The following UNG variants were observed in gnomAD, a reference collection of about 807,000 sequenced individuals.
UNG encodes the protein uracil-DNA glycosylase.
Under a neutral mutation model 36.5 loss-of-function variants are expected in UNG, and 34 were observed. That is an observed-to-expected ratio of 0.93 (90% confidence interval 0.71 to 1.24). The LOEUF (loss-of-function observed/expected upper bound fraction) is 1.24, where lower values mean the gene tolerates loss of function less well. Among genes scored for constraint, UNG ranks in the 50% most tolerant of loss-of-function variants. The pLI, the probability that UNG is intolerant of heterozygous loss-of-function variation, is 0.00. For synonymous variants in UNG, 172 were observed against 157.8 expected, an observed-to-expected ratio of 1.09 and a Z score of -0.67; for missense variants, 391 against 397.6, an observed-to-expected ratio of 0.98 and a Z score of 0.14.
In UNG at chr12:109,110,648, G is replaced by A. The variant is rs960946074; in HGVS notation, c.*679G>A. On this transcript the variant is annotated 3_prime_UTR_variant, in exon 7 of 7. Coordinates refer to ENST00000242576, the MANE Select transcript of UNG (RefSeq NM_080911.3). ...GAATAAGCAGTGGAATTTGAACAAG[G>A]AAGAGGAGAAAAGGGAATTTTGTCT... 1 of 150,690 alleles carries A rather than the reference G, an allele frequency of 6.6e-6. No individual in the cohort carries two copies. The highest frequency in any genetic ancestry group is 2.5e-5 in the African/African-American group (1 of 39,448). The allele number at this position is 150,690 out of a possible 1,614,324, so 9.3% of individuals were successfully genotyped here.
chr12:109,100,365 T>TC (rs534934926), intron 3 of UNG, among the ~76,000 whole-genome samples: 111 of 152,254 alleles, frequency 7.3e-4, no homozygotes, highest in African/African-American at 2.6e-3. Flanking sequence ...CCCGTTTTCC[T>TC]CCCCCGTTTT....
Position 109,102,879 on chromosome 12 carries a change from G to A in UNG, c.574G>A (p.Asp192Asn), listed in dbSNP as rs1765873568. Reference sequence around the variant, plus strand: ...TAAAGAGTTGTCTACAGACATAGAGGATTTTGTTCATCCTGGCCATGGAGA... The same window carrying A: ...TAAAGAGTTGTCTACAGACATAGAGAATTTTGTTCATCCTGGCCATGGAGA... The part of the protein sequence containing the change: ...IYKELSTDIE[D>N]FVHPGHGDLS... The change falls in exon 5 of 7, where the codon GAT becomes AAT. Residue 192 changes from aspartate (D) to asparagine (N), a missense_variant. Asp to Asn is a conservative substitution (Grantham distance 23). Coordinates refer to ENST00000242576, the MANE Select transcript of UNG (RefSeq NM_080911.3). 1 of 1,612,422 alleles carries A rather than the reference G, an allele frequency of 6.2e-7. No individual in the cohort carries two copies. Among genetic ancestry groups the A allele is most frequent in the African/African-American group, 1.3e-5 (1 of 74,766 alleles).
At position 109,110,142 on chromosome 12, in the gene UNG, A is replaced by G; in HGVS notation, c.*173A>G. ...GAATGGCAGCTGTATCCAACCACAAACAACAAAGGCTACCCTTTGACCAAA... is the reference window on the plus strand; with the variant it reads ...GAATGGCAGCTGTATCCAACCACAAGCAACAAAGGCTACCCTTTGACCAAA... On this transcript the variant is annotated 3_prime_UTR_variant, in exon 7 of 7. Transcript: ENST00000242576. 1.3e-6 allele frequency: 1 copy of G among 798,818 alleles called. No homozygotes were observed. Among genetic ancestry groups the G allele is most frequent in the Non-Finnish European group, 2.0e-6 (1 of 499,874 alleles). The allele number at this position is 798,818 out of a possible 1,614,324, so 49.5% of individuals were successfully genotyped here.
At chr12:109,108,034 G>A (rs1170093533) in intron 6 of UNG, among the ~76,000 whole-genome samples, 1 of 152,054 alleles carries the variant, frequency 6.6e-6, no homozygotes, top group African/African-American at 2.4e-5. Flanking sequence ...TTTGCATTTT[G>A]TTCACTTGGT....
At chr12:109,098,001 G>A (rs2135881386) in intron 1 of UNG, 190 bp downstream of exon 1, 2 of 1,268,522 alleles carry the variant, frequency 1.6e-6, no homozygotes, top group East Asian at 5.4e-5. Flanking sequence ...GCCAGCCAAT[G>A]GGAACGCGTC....
rs748872362 is a variant in UNG at position 109,097,718 on chromosome 12, C to T, written c.39C>T (p.Pro13=). The T allele has an allele frequency of 2.5e-6, 4 of 1,593,700 alleles. No homozygotes were observed. Among genetic ancestry groups the T allele is most frequent in the Admixed American group, 1.7e-5 (1 of 57,820 alleles). ...AGACGCTCTACTCCTTTTTCTCCCCCAGCCCCGCCAGGAAGCGACACGCCC... is the reference window on the plus strand; with the variant it reads ...AGACGCTCTACTCCTTTTTCTCCCCTAGCCCCGCCAGGAAGCGACACGCCC... ...GQKTLYSFFS[P]SPARKRHAPS... Residue 13 remains proline (P), a synonymous_variant, in exon 1 of 7, where the codon CCC becomes CCT. Transcript: ENST00000242576.
chr12:109,103,639 CTTTT>C (rs747503756), intron 6 of UNG, 28 bp downstream of exon 6: 43 of 1,382,898 alleles, frequency 3.1e-5, no homozygotes, highest in Non-Finnish European at 4.1e-5. Context: ...TCTTTTTTTT[CTTTT>C]TTTTTTAACA....
At chr12:109,103,265 T>C (rs1173260160) in intron 5 of UNG, among the ~76,000 whole-genome samples, 168 bp from the exon 6 acceptor site, 14 of 152,136 alleles carry the variant, frequency 9.2e-5, no homozygotes, top group Admixed American at 7.2e-4. Flanking sequence ...CCCGACTCCA[T>C]TGTTGATGGT....
Position 109,105,768 on chromosome 12 carries a change from CT to C in UNG, c.801+2160del, listed in dbSNP as rs369811205. Reference sequence around the variant, plus strand: ...TCAGTCAGTCATTCATATCTGTGTTCTTTCTTCCCCCTCCAAATCTACCCCT... The same window carrying C: ...TCAGTCAGTCATTCATATCTGTGTTCTTCTTCCCCCTCCAAATCTACCCCT... On this transcript the variant is annotated intron_variant, in intron 6 of 6. Coordinates refer to ENST00000242576, the MANE Select transcript of UNG (RefSeq NM_080911.3). Among the ~76,000 whole-genome samples the C allele has an allele frequency of 2.8e-3, 433 of 152,274 alleles. 3 individuals carry two copies. Among genetic ancestry groups the C allele is most frequent in the African/African-American group, 0.01 (424 of 41,554 alleles).
Position 109,105,568 on chromosome 12 carries a change from A to G in UNG, c.801+1957A>G, listed in dbSNP as rs3219253. Among the ~76,000 whole-genome samples, 979 of 152,322 alleles carry G rather than the reference A, an allele frequency of 6.4e-3. 3 individuals are homozygous for G. Among genetic ancestry groups the G allele is most frequent in the Middle Eastern group, 0.014 (4 of 294 alleles). On this transcript the variant is annotated intron_variant, in intron 6 of 6. Coordinates refer to ENST00000242576, the MANE Select transcript of UNG (RefSeq NM_080911.3). ...CTGCCCCATGAACATGCCAAATTCA[A>G]CATTTTCCAAACGAAGTTTCTCCTT... is the stretch of plus-strand genomic sequence containing the variant.
At chr12:109,101,824 G>A in intron 3 of UNG, 78 bp from the exon 4 acceptor site, 3 of 1,252,082 alleles carry the variant, frequency 2.4e-6, no homozygotes, top group Non-Finnish European at 3.5e-6. Context: ...TATTTGTTTT[G>A]TTTATGTTTG....
chr12:109,098,870 CAT>C (rs2042155599), intron 2 of UNG, among the ~76,000 whole-genome samples: 3 of 152,262 alleles, frequency 2.0e-5, no homozygotes, highest in African/African-American at 7.2e-5. Flanking sequence ...ATTTAAGTCA[CAT>C]AGTCTATTGT....
chr12:109,103,840 C>G (rs2042197441), intron 6 of UNG, among the ~76,000 whole-genome samples: 1 of 152,096 alleles, frequency 6.6e-6, no homozygotes, highest in East Asian at 1.9e-4. Flanking sequence ...AACTGGCCAA[C>G]TTGTGACTGA....
At chr12:109,106,338 T>C (rs2042214933) in intron 6 of UNG, among the ~76,000 whole-genome samples, 1 of 152,168 alleles carries the variant, frequency 6.6e-6, no homozygotes, top group African/African-American at 2.4e-5. Context: ...CTCCAGGCTC[T>C]GTACTCTTAA....
In UNG at chr12:109,110,093, G is replaced by C. The variant is rs1351691566; in HGVS notation, c.*124G>C. 1 of 1,401,108 alleles carries C rather than the reference G, an allele frequency of 7.1e-7. No individual in the cohort carries two copies. Among genetic ancestry groups the C allele is most frequent in the Non-Finnish European group, 9.8e-7 (1 of 1,019,112 alleles). The allele number at this position is 1,401,108 out of a possible 1,614,324, so 86.8% of individuals were successfully genotyped here. ...CATAAGGGGGAAAAGCTTCCAGAAA[G>C]CAGCCATGAACCAGGCTGTCCAGGA... is the stretch of plus-strand genomic sequence containing the variant. On this transcript the variant is annotated 3_prime_UTR_variant, in exon 7 of 7. Coordinates refer to ENST00000242576, the MANE Select transcript of UNG (RefSeq NM_080911.3).
intron 6 of UNG, among the ~76,000 whole-genome samples, chr12:109,108,930 C>T (rs2042238896): frequency 6.6e-6 from 1 of 151,968 alleles, no homozygotes; most frequent in African/African-American, 2.4e-5. Context: ...CCGTGACTGG[C>T]CCCGTTCTAT....
chr12:109,104,664 T>A (rs948283628), intron 6 of UNG, among the ~76,000 whole-genome samples: 2 of 151,958 alleles, frequency 1.3e-5, no homozygotes, highest in African/African-American at 4.8e-5. Context: ...AGATGGAGGC[T>A]TGATGGAGAG....
At position 109,099,275 on chromosome 12, in the gene UNG, CAT is replaced by C. The variant is rs1426188025; in HGVS notation, c.428_429del (p.Ile143LysfsTer17). 1.9e-6 allele frequency: 3 copies of C among 1,613,572 alleles called. No individual in the cohort carries two copies. Among genetic ancestry groups the C allele is most frequent in the Non-Finnish European group, 2.5e-6 (3 of 1,179,526 alleles). On this transcript the variant is annotated frameshift_variant, in exon 3 of 7. Coordinates refer to ENST00000242576, the MANE Select transcript of UNG (RefSeq NM_080911.3). LOFTEE classifies it high-confidence loss of function. Reference sequence around the variant, plus strand: ...TCTTCACCTGGACCCAGATGTGTGACATAAAAGATGTAAGTACAACTTGTTGA... The same window carrying C: ...TCTTCACCTGGACCCAGATGTGTGACAAAAGATGTAAGTACAACTTGTTGA... ...QVFTWTQMCD[I>X]KDVKVVILGQ...
At chr12:109,107,476 A>T (rs2042226198) in intron 6 of UNG, among the ~76,000 whole-genome samples, 1 of 142,992 alleles carries the variant, frequency 7.0e-6, no homozygotes, top group Admixed American at 7.0e-5. Flanking sequence ...AAGTGCTGGG[A>T]TTACAGGCGT....
Sources: gnomAD v4.1 joint callset for allele counts (sites outside exome capture counted in the v4.1 genomes callset) on GRCh38, gnomAD v4.1.1 for gene constraint, MANE v1.5 for transcripts, NCBI Gene and HGNC (gene_info 2026-07-23, HGNC 2026-07-21) for gene names.